MBNL1: variants seen among roughly 807,000 people sequenced by gnomAD.
The protein encoded by MBNL1 is muscleblind like splicing regulator 1.
Under a neutral mutation model 42.2 loss-of-function variants are expected in MBNL1, and 8 were observed. That is an observed-to-expected ratio of 0.19 (90% CI 0.11 to 0.34). The LOEUF (loss-of-function observed/expected upper bound fraction) is 0.34. MBNL1 is among the 10% of genes least tolerant of loss of function. The pLI is 1.00. For missense variants in MBNL1, 309 were observed against 495.3 expected, an observed-to-expected ratio of 0.62 and a Z score of 3.57; for synonymous variants, 169 against 173.9, an observed-to-expected ratio of 0.97 and a Z score of 0.22.
intron 2 of MBNL1, among the ~76,000 whole-genome samples, chr3:152,410,253 CA>C (rs530421069): frequency 3.9e-5 from 6 of 152,064 alleles, no homozygotes; most frequent in South Asian, 2.1e-4. Flanking sequence ...ATTATAGCCA[CA>C]AAAAAATTAT....
intron 2 of MBNL1, among the ~76,000 whole-genome samples, chr3:152,343,714 A>G (rs2093747054): frequency 6.6e-6 from 1 of 152,142 alleles, no homozygotes; most frequent in Admixed American, 6.6e-5. Context: ...AGTAAACTGA[A>G]ACTGTCAGTG....
chr3:152,443,509 A>ACACACACACACACAC (rs1560616953), intron 4 of MBNL1, among the ~76,000 whole-genome samples: 4 of 38,002 alleles, frequency 1.1e-4, no homozygotes, highest in Non-Finnish European at 1.6e-4. Flanking sequence ...CACACACACA[A>ACACACACACACACAC]CTTTTTATCA....
chr3:152,300,580 C>A (rs910444276), intron 2 of MBNL1, among the ~76,000 whole-genome samples: 2 of 151,876 alleles, frequency 1.3e-5, no homozygotes, highest in Non-Finnish European at 2.9e-5. Flanking sequence ...CCTTTCACTG[C>A]ATGTTTTTTT....
chr3:152,369,420 A>G (rs1418329453), intron 2 of MBNL1, among the ~76,000 whole-genome samples: 1 of 152,104 alleles, frequency 6.6e-6, no homozygotes, highest in Non-Finnish European at 1.5e-5. Context: ...CCAGTATGGT[A>G]TTGAGGATAT....
At chr3:152,297,857 T>C (rs912511011) in intron 1 of MBNL1, among the ~76,000 whole-genome samples, 2 of 152,102 alleles carry the variant, frequency 1.3e-5, no homozygotes, top group South Asian at 2.1e-4. Context: ...GGTTTTACCA[T>C]GTTGGCCAGG....
chr3:152,300,385 T>G lies in MBNL1; in HGVS notation c.174+18T>G, dbSNP rs766438725. On this transcript the variant is annotated intron_variant, in intron 2 of 9. Transcript: ENST00000324210. The stretch of plus-strand genomic sequence containing the variant: ...CATTGAAAGTGAGTAACTATTATAT[T>G]CTTTTAAGGATATTCAATGATTGAA... 4 of 1,597,208 alleles carry G rather than the reference T, an allele frequency of 2.5e-6. No homozygotes were observed. The highest frequency in any genetic ancestry group is 1.1e-5 in the South Asian group (1 of 90,562).
intron 2 of MBNL1, among the ~76,000 whole-genome samples, chr3:152,310,754 C>CAGA (rs1197431155): frequency 6.6e-6 from 1 of 151,114 alleles, no homozygotes; most frequent in African/African-American, 2.4e-5. Context: ...ACCTAAAGTC[C>CAGA]AGAAGAATTT....
rs962395889 is a variant in MBNL1 at position 152,340,987 on chromosome 3, T to G, written c.174+40620T>G. 14 of 1,467,378 alleles carry G rather than the reference T, an allele frequency of 9.5e-6. No homozygotes were observed. In the Admixed American group the frequency reaches 9.5e-5, roughly 10 times the overall value. The allele number at this position is 1,467,378 out of a possible 1,614,324, so 90.9% of individuals were successfully genotyped here. A position where few individuals can be genotyped will look rare whatever the true frequency, so the allele number is the denominator to read the frequency against. On this transcript the variant is annotated intron_variant, in intron 2 of 9. Transcript: ENST00000324210. ...TTTCCTGAAGGTCTGGGTAAATTGA[T>G]GAGGGGACACAAACTGTACGATGCT...
intron 2 of MBNL1, among the ~76,000 whole-genome samples, chr3:152,384,769 A>G (rs1268517277): frequency 6.6e-6 from 1 of 152,100 alleles, no homozygotes; most frequent in Non-Finnish European, 1.5e-5. Context: ...GCCTGATAAA[A>G]CAGACATTCT....
At chr3:152,314,290 C>T (rs917244510) in intron 2 of MBNL1, among the ~76,000 whole-genome samples, 1 of 145,826 alleles carries the variant, frequency 6.9e-6, no homozygotes, top group African/African-American at 2.5e-5. Flanking sequence ...TTTATCACAG[C>T]TTTTTTTTTT....
chr3:152,458,569 C>G (rs1738477038), intron 8 of MBNL1: 1 of 191,078 alleles, frequency 5.2e-6, no homozygotes, highest in Admixed American at 5.4e-5. Context: ...TGTGCTGCCT[C>G]TCTCAGGTTA....
chr3:152,354,472 C>T (rs909091127), intron 2 of MBNL1, among the ~76,000 whole-genome samples: 4 of 152,044 alleles, frequency 2.6e-5, no homozygotes, highest in African/African-American at 7.2e-5. Flanking sequence ...GAAAAAATTA[C>T]GTACTTGAGT....
chr3:152,256,831 A>G (rs757765708), intron 2 of MBNL1, among the ~76,000 whole-genome samples: 1 of 152,140 alleles, frequency 6.6e-6, no homozygotes, highest in South Asian at 2.1e-4. Context: ...AGATTCTTCT[A>G]TTTCTGGTTC....
At chr3:152,353,368 G>T (rs548121691) in intron 2 of MBNL1, among the ~76,000 whole-genome samples, 1 of 152,174 alleles carries the variant, frequency 6.6e-6, no homozygotes, top group Non-Finnish European at 1.5e-5. Context: ...AGTGTCTTTT[G>T]GCTAGAATAA....
intron 4 of MBNL1, 89 bp downstream of exon 4, chr3:152,433,009 A>C: frequency 8.1e-7 from 1 of 1,234,778 alleles, no homozygotes; most frequent in Non-Finnish European, 1.1e-6. Flanking sequence ...CATGGCCAAA[A>C]AGTTGTAAAA....
chr3:152,277,102 G>A (rs2045681680), intron 1 of MBNL1, among the ~76,000 whole-genome samples: 1 of 152,084 alleles, frequency 6.6e-6, no homozygotes, highest in African/African-American at 2.4e-5. Flanking sequence ...ATATCAGTAA[G>A]TGAAAAACAT....
intron 3 of MBNL1, 136 bp from the exon 4 acceptor site, chr3:152,432,581 T>C (rs2099021363): frequency 1.4e-6 from 1 of 719,288 alleles, no homozygotes; most frequent in African/African-American, 1.7e-5. Context: ...TGATAGTAAA[T>C]GAACACAGGA....
At chr3:152,396,156 G>C (rs901698651) in intron 2 of MBNL1, 2 of 356,384 alleles carry the variant, frequency 5.6e-6, no homozygotes, top group African/African-American at 4.4e-5. Context: ...ACTGTCTCCT[G>C]TCACCCCCAG....
At chr3:152,269,582 C>A in intron 1 of MBNL1, 1 of 447,340 alleles carries the variant, frequency 2.2e-6, no homozygotes, top group South Asian at 1.6e-5. Flanking sequence ...TAATTCTCTG[C>A]TTGCTACCCA....
Sources: gnomAD v4.1 joint callset for allele counts (sites outside exome capture counted in the v4.1 genomes callset) on GRCh38, gnomAD v4.1.1 for gene constraint, MANE v1.5 for transcripts, NCBI Gene and HGNC (gene_info 2026-07-23, HGNC 2026-07-21) for gene names.